ZSCAN2: variants seen among roughly 807,000 people sequenced by gnomAD.
ZSCAN2 encodes zinc finger and SCAN domain-containing protein 2.
A neutral mutation model predicts 47.8 loss-of-function variants in ZSCAN2; 26 were observed. The ratio of observed to expected loss-of-function variants is 0.54; its 90% CI spans 0.40 to 0.75. The LOEUF is 0.75. ZSCAN2 is among the 30% of genes least tolerant of loss of function. ZSCAN2 has a pLI of 0.00. For missense variants in ZSCAN2, 732 were observed against 785.4 expected (o/e 0.93, Z 0.81); for synonymous variants, 305 against 288.7 (o/e 1.06, Z -0.57).
At chr15:84,611,535 G>A (rs1567009382) in intron 2 of ZSCAN2, among the ~76,000 whole-genome samples, 1 of 152,078 alleles carries the variant, frequency 6.6e-6, no homozygotes, top group Non-Finnish European at 1.5e-5. Flanking sequence ...ATCACCTGAG[G>A]TCAGGAGTTT....
chr15:84,622,305 C>G lies in ZSCAN2; in HGVS notation c.*265C>G, dbSNP rs1895834937. The G allele has an allele frequency of 3.5e-6, 2 of 574,804 alleles. No homozygotes were observed. The highest frequency in any genetic ancestry group is 6.9e-5 in the Admixed American group (2 of 29,112). 35.6% of individuals were successfully genotyped at this position (574,804 alleles called of 1,614,324 possible). A position where few individuals can be genotyped will look rare whatever the true frequency, so the allele number is the denominator to read the frequency against. ...TACATTGGGTGACTTGATTGGCCCC[C>G]TCTCATGATTCCTCTGTGCCTCAGT... On this transcript the variant is annotated 3_prime_UTR_variant, in exon 3 of 3. Coordinates refer to ENST00000546148, the MANE Select transcript of ZSCAN2 (RefSeq NM_181877.4).
chr15:84,607,504 C>T (rs1337934852), intron 2 of ZSCAN2, among the ~76,000 whole-genome samples: 1 of 151,088 alleles, frequency 6.6e-6, no homozygotes, highest in Non-Finnish European at 1.5e-5. Flanking sequence ...ACAGCCTGTG[C>T]TTTTGTTTTT....
At chr15:84,618,533 GC>G (rs1177503419) in intron 2 of ZSCAN2, among the ~76,000 whole-genome samples, 2 of 151,950 alleles carry the variant, frequency 1.3e-5, no homozygotes, top group East Asian at 3.9e-4. Context: ...CAACTTCCTG[GC>G]AGCATTAATG....
Position 84,604,458 on chromosome 15 carries a change from C to G in ZSCAN2, c.406+125C>G, listed in dbSNP as rs1010776470. On this transcript the variant is annotated intron_variant, in intron 2 of 2. Transcript: ENST00000546148. ...GGGGGGCTAGCGCCATCCCTCTGCT[C>G]TGTCTGCAGGCAGTCAGCGTGTTCA... 2.8e-5 allele frequency: 34 copies of G among 1,235,730 alleles called. 2 individuals carry two copies. The South Asian group carries it at 5.0e-4, about 18-fold the overall frequency. 76.5% of individuals were successfully genotyped at this position (1,235,730 alleles called of 1,614,324 possible). A position where few individuals can be genotyped will look rare whatever the true frequency, so the allele number is the denominator to read the frequency against.
At chr15:84,618,193 G>A (rs112679440) in intron 2 of ZSCAN2, among the ~76,000 whole-genome samples, 2 of 152,104 alleles carry the variant, frequency 1.3e-5, no homozygotes, top group Non-Finnish European at 2.9e-5. Context: ...CCAGGCGGGC[G>A]GATCACCTGA....
intron 2 of ZSCAN2, among the ~76,000 whole-genome samples, chr15:84,615,697 T>A (rs1404318739): frequency 1.3e-5 from 2 of 152,208 alleles, no homozygotes; most frequent in African/African-American, 4.8e-5. Context: ...GCTTTCTTAT[T>A]TTGGTCCTCT....
intron 2 of ZSCAN2, chr15:84,614,542 AC>A (rs1895643270): frequency 6.6e-6 from 1 of 152,128 alleles, no homozygotes; most frequent in Non-Finnish European, 1.5e-5. Flanking sequence ...TTAGGTGTTC[AC>A]CCCTCTAGCA....
At chr15:84,618,577 TC>T (rs1393798912) in intron 2 of ZSCAN2, among the ~76,000 whole-genome samples, 8 of 151,410 alleles carry the variant, frequency 5.3e-5, no homozygotes, top group African/African-American at 1.5e-4. Context: ...TTTTTTTTTT[TC>T]GAGACAGAGT....
intron 1 of ZSCAN2, chr15:84,602,010 A>G (rs1239039356): frequency 7.1e-6 from 1 of 140,892 alleles, no homozygotes; most frequent in Non-Finnish European, 1.5e-5. Context: ...CTGGAGTGCA[A>G]TGGCCTGATC....
At position 84,604,144 on chromosome 15, in the gene ZSCAN2, C is replaced by T. The variant is rs190064988; in HGVS notation, c.217C>T (p.Pro73Ser). ...GGPQEEVTRG[P>S]QGALGRLREL... ...CCCCCAGGAGGAGGTGACCAGGGGA[C>T]CACAGGGTGCACTCGGCCGCCTCCG... Residue 73 changes from proline (P) to serine (S), a missense_variant, in exon 2 of 3, where the codon CCA becomes TCA. Transcript: ENST00000546148. 2.0e-4 allele frequency: 317 copies of T among 1,613,826 alleles called. No individual in the cohort carries two copies. The highest frequency in any genetic ancestry group is 2.6e-4 in the Non-Finnish European group (307 of 1,179,892).
intron 2 of ZSCAN2, among the ~76,000 whole-genome samples, chr15:84,613,177 TTTCTC>T (rs1895602109): frequency 1.3e-5 from 2 of 152,154 alleles, no homozygotes; most frequent in African/African-American, 4.8e-5. Flanking sequence ...CAGATTATCT[TTTCTC>T]TTCTCTTGGC....
intron 2 of ZSCAN2, chr15:84,616,328 T>C (rs1311453188): frequency 6.4e-7 from 1 of 1,551,342 alleles, no homozygotes; most frequent in East Asian, 2.2e-5. Flanking sequence ...CCTGCGTACA[T>C]GGCTGCCCTG....
At chr15:84,610,466 GTCTTTCTT>G (rs372891173) in intron 2 of ZSCAN2, among the ~76,000 whole-genome samples, 64 of 127,582 alleles carry the variant, frequency 5.0e-4, no homozygotes, top group East Asian at 2.8e-3. Context: ...CAAAACAGAA[GTCTTTCTT>G]TCTTTCTTTC....
chr15:84,622,351 G>C lies in ZSCAN2; in HGVS notation c.*311G>C. Reference sequence around the variant, plus strand: ...TCAGTTTCCTCTTTGGTAAAATGGGGGGAAATGTTTCTCCATGTGGAATGG... The same window carrying C: ...TCAGTTTCCTCTTTGGTAAAATGGGCGGAAATGTTTCTCCATGTGGAATGG... On this transcript the variant is annotated 3_prime_UTR_variant, in exon 3 of 3. Coordinates refer to ENST00000546148, the MANE Select transcript of ZSCAN2 (RefSeq NM_181877.4). The C allele has an allele frequency of 8.7e-6, 5 of 576,372 alleles. No homozygotes were observed. Among genetic ancestry groups the C allele is most frequent in the Non-Finnish European group, 1.6e-5 (5 of 319,116 alleles). The allele number at this position is 576,372 out of a possible 1,614,324, so 35.7% of individuals were successfully genotyped here.
chr15:84,606,315 T>G, intron 2 of ZSCAN2: 1 of 514,006 alleles, frequency 1.9e-6, no homozygotes, highest in Non-Finnish European at 3.5e-6. Context: ...TGTGAGTGGC[T>G]GGCATTGTCA....
In ZSCAN2 at chr15:84,621,820, G is replaced by C; in HGVS notation, c.1625G>C (p.Gly542Ala). 6.2e-7 allele frequency: 1 copy of C among 1,614,240 alleles called. No homozygotes were observed. The highest frequency in any genetic ancestry group is 1.7e-5 in the Admixed American group (1 of 60,034). ...CLMCGKSFSR[G>A]SILVMHQRAH... ...ATGTGCGGCAAGAGCTTCAGCCGGGGCTCCATTCTGGTCATGCACCAGAGA... is the reference window on the plus strand; with the variant it reads ...ATGTGCGGCAAGAGCTTCAGCCGGGCCTCCATTCTGGTCATGCACCAGAGA... The change falls in exon 3 of 3, where the codon GGC becomes GCC. Residue 542 changes from glycine (G) to alanine (A), a missense_variant. Around this residue, in one of 2 missense-constraint regions of ZSCAN2, gnomAD observed 412 missense variants for 498.0 expected, o/e 0.83. Coordinates refer to ENST00000546148, the MANE Select transcript of ZSCAN2 (RefSeq NM_181877.4). The surrounding 1 kb of genome is among the most constrained non-coding windows in gnomAD (Gnocchi z 5.7).
Position 84,623,381 on chromosome 15 carries a change from C to T in ZSCAN2, c.*1341C>T, listed in dbSNP as rs898664508. On this transcript the variant is annotated 3_prime_UTR_variant, in exon 3 of 3. Coordinates refer to ENST00000546148, the MANE Select transcript of ZSCAN2 (RefSeq NM_181877.4). ...TGCTGGGATTACAGGCGTGAGCCAG[C>T]GCACCCGGCCAAGAACATTATTTTT... 2 of 193,656 alleles carry T rather than the reference C, an allele frequency of 1.0e-5. No homozygotes were observed. Among genetic ancestry groups the T allele is most frequent in the Non-Finnish European group, 2.4e-5 (2 of 82,468 alleles). The allele number at this position is 193,656 out of a possible 1,614,324, so 12.0% of individuals were successfully genotyped here.
chr15:84,602,979 A>T (rs1195845668), intron 1 of ZSCAN2, among the ~76,000 whole-genome samples: 4 of 151,922 alleles, frequency 2.6e-5, no homozygotes, highest in African/African-American at 9.7e-5. Context: ...TTTTTTGGTT[A>T]TTTTTTTAAG....
At position 84,622,718 on chromosome 15, in the gene ZSCAN2, A is replaced by G. The variant is rs759656340; in HGVS notation, c.*678A>G. ...TGTCCCAGTGTCCTTTCCATTGGTAAGAGTTGGACAGGGCCTTCAGGAAAG... is the reference window on the plus strand; with the variant it reads ...TGTCCCAGTGTCCTTTCCATTGGTAGGAGTTGGACAGGGCCTTCAGGAAAG... On this transcript the variant is annotated 3_prime_UTR_variant, in exon 3 of 3. Transcript: ENST00000546148. 1 of 716,828 alleles carries G rather than the reference A, an allele frequency of 1.4e-6. No homozygotes were observed. Among genetic ancestry groups the G allele is most frequent in the South Asian group, 1.5e-5 (1 of 67,512 alleles). 44.4% of individuals were successfully genotyped at this position (716,828 alleles called of 1,614,324 possible).
Sources: allele counts gnomAD v4.1 joint callset (sites outside exome capture counted in the v4.1 genomes callset), GRCh38; gene constraint gnomAD v4.1.1; regional missense constraint gnomAD v4.1.1; non-coding constraint Gnocchi (gnomAD v3.1); transcripts MANE v1.5; gene names NCBI Gene and HGNC (gene_info 2026-07-23, HGNC 2026-07-21).